CFAP46: variants seen among roughly 807,000 people sequenced by gnomAD.
The protein encoded by CFAP46 is cilia- and flagella-associated protein 46.
Under a neutral mutation model 325.7 loss-of-function variants are expected in CFAP46, and 245 were observed. The observed-to-expected ratio is 0.75, with a 90% CI of 0.68 to 0.84. CFAP46 has a LOEUF of 0.84. Ranked by LOEUF, CFAP46 falls within the 40% of genes least tolerant of loss-of-function variation. The pLI is 0.00. For missense variants in CFAP46, 3,346 were observed against 3,543.0 expected (o/e 0.94, Z 1.41); for synonymous variants, 1,523 against 1,495.9 (o/e 1.02, Z -0.42).
chr10:132,921,424 C>A (rs1246984692), intron 13 of CFAP46, among the ~76,000 whole-genome samples: 1 of 152,228 alleles, frequency 6.6e-6, no homozygotes, highest in African/African-American at 2.4e-5. Flanking sequence ...CTGGCTCAGT[C>A]CCCGCACATG....
chr10:132,908,221 C>A lies in CFAP46; in HGVS notation c.2924+247G>T, dbSNP rs1849485368. ...AAGCTTTCTGGACTGGGCCTGGAGA[C>A]CTGGTGGAGTGCTCACCTGCTCCCT... On this transcript the variant is annotated intron_variant, in intron 22 of 57. Transcript: ENST00000368586. The A allele has an allele frequency of 3.0e-5, 16 of 539,970 alleles. No individual in the cohort carries two copies. The South Asian group carries it at 3.0e-4, about 10-fold the overall frequency. The allele number at this position is 539,970 out of a possible 1,614,324, so 33.4% of individuals were successfully genotyped here. A position where few individuals can be genotyped will look rare whatever the true frequency, so the allele number is the denominator to read the frequency against.
intron 4 of CFAP46, among the ~76,000 whole-genome samples, chr10:132,940,058 C>A (rs138633044): frequency 1.9e-3 from 282 of 152,226 alleles, no homozygotes; most frequent in African/African-American, 5.0e-3. Context: ...CGTCACAGCA[C>A]CCTTGGAAAT....
At chr10:132,936,840 A>G in intron 7 of CFAP46, 121 bp downstream of exon 7, 2 of 480,302 alleles carry the variant, frequency 4.2e-6, no homozygotes, top group South Asian at 7.2e-5. Flanking sequence ...AGCCCCACTC[A>G]CTGCAACTCC....
chr10:132,915,480 G>A (rs567695625), intron 17 of CFAP46, among the ~76,000 whole-genome samples: 31 of 152,390 alleles, frequency 2.0e-4, no homozygotes, highest in East Asian at 5.8e-4. Context: ...GAGCTCGGCC[G>A]GGTGGCTCCA....
Position 132,935,826 on chromosome 10 carries a change from C to T in CFAP46, c.756-964G>A, listed in dbSNP as rs573903472. 3.0e-4 allele frequency among the ~76,000 whole-genome samples: 37 copies of T among 121,398 alleles called. 1 individual carries two copies. Among genetic ancestry groups the T allele is most frequent in the African/African-American group, 1.1e-3 (34 of 31,622 alleles). 79.6% of individuals were successfully genotyped at this position (121,398 alleles called of 152,430 possible). A position where few individuals can be genotyped will look rare whatever the true frequency, so the allele number is the denominator to read the frequency against. ...AAACACACTGTGATCTCCTCACTCCCCTCGGCACCCAAACACACTGTGATC... is the reference window on the plus strand; with the variant it reads ...AAACACACTGTGATCTCCTCACTCCTCTCGGCACCCAAACACACTGTGATC... On this transcript the variant is annotated intron_variant, in intron 7 of 57. Transcript: ENST00000368586.
In CFAP46 at chr10:132,876,542, C is replaced by T. The variant is rs192704393; in HGVS notation, c.4362+270G>A. On this transcript the variant is annotated intron_variant, in intron 31 of 57. Coordinates refer to ENST00000368586, the MANE Select transcript of CFAP46 (RefSeq NM_001200049.3). The surrounding 1 kb of genome is among the most constrained non-coding windows in gnomAD (Gnocchi z 4.1). ...ATCAATTTCTGTTGTTTTAACCATG[C>T]GGTTGTGGGAGCTTGTCATGAACAC... 2.6e-5 allele frequency among the ~76,000 whole-genome samples: 4 copies of T among 152,232 alleles called. No homozygotes were observed. Among genetic ancestry groups the T allele is most frequent in the East Asian group, 3.9e-4 (2 of 5,172 alleles).
intron 8 of CFAP46, among the ~76,000 whole-genome samples, chr10:132,930,129 T>C (rs1387779646): frequency 1.3e-5 from 2 of 152,094 alleles, no homozygotes; most frequent in South Asian, 2.1e-4. Context: ...GATGACGACA[T>C]GCGTACTCAA....
chr10:132,894,172 G>C (rs1462138313), intron 24 of CFAP46, among the ~76,000 whole-genome samples: 1 of 152,234 alleles, frequency 6.6e-6, no homozygotes, highest in African/African-American at 2.4e-5. Context: ...CTAAGAATTT[G>C]GCTCTATCTA....
intron 17 of CFAP46, among the ~76,000 whole-genome samples, chr10:132,915,576 C>T (rs1425293816): frequency 6.6e-5 from 10 of 151,638 alleles, no homozygotes; most frequent in Admixed American, 5.3e-4. Flanking sequence ...GCTTCTGCCC[C>T]GAGGGACCGG....
At chr10:132,900,853 G>A (rs567846423) in intron 22 of CFAP46, among the ~76,000 whole-genome samples, 1 of 152,370 alleles carries the variant, frequency 6.6e-6, no homozygotes, top group South Asian at 2.1e-4. Flanking sequence ...CAGCTGCTGA[G>A]AGAGGAATGT....
At chr10:132,836,787 G>A (rs189269545) in intron 45 of CFAP46, 30 bp downstream of exon 45, 16,342 of 1,581,372 alleles carry the variant, frequency 0.01, 98 homozygotes, top group Middle Eastern at 0.014. Flanking sequence ...GCGGGCTGGG[G>A]GCGGCCTCAA....
In CFAP46 at chr10:132,808,659, A is replaced by G; in HGVS notation, c.7910T>C (p.Leu2637Pro). 1 of 1,593,014 alleles carries G rather than the reference A, an allele frequency of 6.3e-7. No individual in the cohort carries two copies. The highest frequency in any genetic ancestry group is 1.1e-5 in the South Asian group (1 of 89,514). ...TGCACCAAGGGCTGGGGAGAGGCCCAGGAAGGGGAGAGCGAGCTGGGAGCT... is the reference window on the plus strand; with the variant it reads ...TGCACCAAGGGCTGGGGAGAGGCCCGGGAAGGGGAGAGCGAGCTGGGAGCT... ...IPSSQLALPFLGLSPALGAAS... is the reference protein window; with the variant it reads ...IPSSQLALPFPGLSPALGAAS... The change falls in exon 58 of 58, where the codon CTG becomes CCG. Residue 2637 changes from leucine to proline, a missense_variant. Transcript: ENST00000368586. The surrounding 1 kb of genome is among the most constrained non-coding windows in gnomAD (Gnocchi z 6.8).
intron 9 of CFAP46, among the ~76,000 whole-genome samples, chr10:132,928,917 TA>T (rs1564804033): frequency 1.3e-5 from 2 of 152,198 alleles, no homozygotes; most frequent in East Asian, 3.8e-4. Flanking sequence ...CTTAAAATAT[TA>T]AAAGTGAAAA....
In CFAP46 at chr10:132,899,631, G is replaced by A. The variant is rs1009681117; in HGVS notation, c.2960C>T (p.Thr987Ile). ...ESRLVAEMLCTATAIQGRSIM... is the reference protein window; with the variant it reads ...ESRLVAEMLCIATAIQGRSIM... ...GCTCCTGCCCTGGATGGCCGTGGCT[G>A]TGCACAGCATCTCTGCCACCAGCCG... Residue 987 changes from threonine (T) to isoleucine (I), a missense_variant, in exon 23 of 58, where the codon ACA becomes ATA. By Grantham distance (89) the Thr-to-Ile change is moderately conservative (BLOSUM62 -1). Coordinates refer to ENST00000368586, the MANE Select transcript of CFAP46 (RefSeq NM_001200049.3). The A allele has an allele frequency of 6.5e-7, 1 of 1,550,290 alleles. No individual in the cohort carries two copies. The highest frequency in any genetic ancestry group is 8.7e-7 in the Non-Finnish European group (1 of 1,146,924).
rs961340181 is a variant in CFAP46, at chr10:132,909,919, C to T, written c.2649G>A (p.Gln883=). Residue 883 remains glutamine (Q), a splice_region_variant and synonymous_variant, in exon 20 of 58, where the codon CAG becomes CAA. Transcript: ENST00000368586. The part of the protein sequence containing the change: ...QIGPRLGTEE[Q]GTNEDVSSVT... ...CCCAGATGTGGGCAGGGGCGCCCAC[C>T]TGCTCCTCGGTGCCCAGCCGTGGCC... The T allele has an allele frequency of 4.8e-6, 7 of 1,452,868 alleles. No homozygotes were observed. In the African/African-American group the frequency reaches 8.6e-5, roughly 18 times the overall value. 90.0% of individuals were successfully genotyped at this position (1,452,868 alleles called of 1,614,324 possible). A position where few individuals can be genotyped will look rare whatever the true frequency, so the allele number is the denominator to read the frequency against.
At chr10:132,834,006 T>C (rs951579088) in intron 49 of CFAP46, 35 bp downstream of exon 49, 1 of 1,596,674 alleles carries the variant, frequency 6.3e-7, no homozygotes, top group East Asian at 2.2e-5. Context: ...CGGGATGAGC[T>C]CCCCAGGCTG....
Position 132,929,608 on chromosome 10 carries a change from G to A in CFAP46, c.966+97C>T, listed in dbSNP as rs138351251. ...ACCACGGACCGAAGCCCTGGGGGCC[G>A]TGGCCTGGTGAACTGCTCTTCCTTT... On this transcript the variant is annotated intron_variant, in intron 9 of 57. Transcript: ENST00000368586. 2.8e-5 allele frequency: 32 copies of A among 1,163,124 alleles called. No homozygotes were observed. The East Asian group carries it at 2.8e-4, about 10-fold the overall frequency. 72.1% of individuals were successfully genotyped at this position (1,163,124 alleles called of 1,614,324 possible).
chr10:132,941,061 C>G lies in CFAP46; in HGVS notation c.307-1G>C. On this transcript the variant is annotated splice_acceptor_variant, in intron 3 of 57. Coordinates refer to ENST00000368586, the MANE Select transcript of CFAP46 (RefSeq NM_001200049.3). LOFTEE classifies it high-confidence loss of function. ...CAGTCACGCAATTTTCAAATTCCTC[C>G]TAAGGCAACATAAAGAAGCACAATT... is the stretch of plus-strand genomic sequence containing the variant. The G allele has an allele frequency of 1.9e-6, 3 of 1,614,108 alleles. No individual in the cohort carries two copies. The highest frequency in any genetic ancestry group is 2.5e-6 in the Non-Finnish European group (3 of 1,180,018).
chr10:132,887,086 TCTCTCTCCTCTC>T (rs370776859), intron 25 of CFAP46, among the ~76,000 whole-genome samples: 11,269 of 141,606 alleles, frequency 0.08, 1,390 homozygotes, highest in African/African-American at 0.26. Context: ...CTCTCACTTC[TCTCTCTCCTCTC>T]CTCTCTCCTC....
Sources: gnomAD v4.1 joint callset for allele counts (sites outside exome capture counted in the v4.1 genomes callset) on GRCh38, gnomAD v4.1.1 for gene constraint, Gnocchi (gnomAD v3.1) non-coding constraint, MANE v1.5 for transcripts, NCBI Gene and HGNC (gene_info 2026-07-23, HGNC 2026-07-21) for gene names.